ATXN1: variants seen among roughly 807,000 people sequenced by gnomAD.
ATXN1 encodes the protein ataxin-1.
In ATXN1, 8 loss-of-function variants were observed where a neutral mutation model predicts 56.4. That is an observed-to-expected ratio of 0.14 (90% CI 0.08 to 0.26). The LOEUF (loss-of-function observed/expected upper bound fraction) is 0.26. Among genes scored for constraint, ATXN1 ranks in the 10% least tolerant of loss-of-function variants. The probability of loss-of-function intolerance (pLI) is 1.00; values close to 1 mark genes in which losing one functional copy is unlikely to be tolerated. For synonymous variants in ATXN1, 514 were observed against 494.6 expected (o/e 1.04, Z -0.52); for missense variants, 987 against 1,106.5 (o/e 0.89, Z 1.53).
chr6:16,340,555 A>G (rs1358270150), intron 6 of ATXN1, among the ~76,000 whole-genome samples: 1 of 152,188 alleles, frequency 6.6e-6, no homozygotes, highest in Non-Finnish European at 1.5e-5. Context: ...GTATGAGTAG[A>G]ACAGCTTTCA....
At chr6:16,404,267 C>T (rs1758639002) in intron 6 of ATXN1, among the ~76,000 whole-genome samples, 1 of 152,178 alleles carries the variant, frequency 6.6e-6, no homozygotes, top group African/African-American at 2.4e-5. Flanking sequence ...TTGGAGAGTT[C>T]TTTAAAGCAG....
intron 2 of ATXN1, among the ~76,000 whole-genome samples, chr6:16,683,080 C>T (rs1170331695): frequency 2.0e-5 from 3 of 151,712 alleles, no homozygotes; most frequent in Non-Finnish European, 4.4e-5. Context: ...CAAAACACCA[C>T]GAAAAGGCAT....
intron 4 of ATXN1, among the ~76,000 whole-genome samples, chr6:16,572,676 A>C (rs1281207148): frequency 6.6e-6 from 1 of 152,208 alleles, no homozygotes; most frequent in East Asian, 1.9e-4. Flanking sequence ...AGAAAACAAA[A>C]AGAACACAGC....
In ATXN1 at chr6:16,753,325, T is replaced by G; in HGVS notation, c.-707A>C. ...AATCTGCAGCTTGAATGGACCACCC[T>G]GGTGACTTGATGCACGATGCTCCTG... On this transcript the variant is annotated 5_prime_UTR_variant, in exon 2 of 8. Transcript: ENST00000436367. 1 of 456,950 alleles carries G rather than the reference T, an allele frequency of 2.2e-6. No homozygotes were observed. The highest frequency in any genetic ancestry group is 2.3e-5 in the Admixed American group (1 of 42,592). The allele number at this position is 456,950 out of a possible 1,614,324, so 28.3% of individuals were successfully genotyped here.
intron 3 of ATXN1, among the ~76,000 whole-genome samples, chr6:16,618,750 T>TG (rs1410088179): frequency 1.4e-4 from 20 of 142,148 alleles, no homozygotes; most frequent in African/African-American, 3.8e-4. Context: ...GATTCAACTG[T>TG]GGGAAAAAAA....
chr6:16,524,983 C>T (rs950599184), intron 4 of ATXN1, among the ~76,000 whole-genome samples: 3 of 152,136 alleles, frequency 2.0e-5, no homozygotes, highest in Non-Finnish European at 4.4e-5. Flanking sequence ...ACTCGGGAGG[C>T]AGAAGTTGCA....
chr6:16,521,303 C>T (rs1436391970), intron 5 of ATXN1, among the ~76,000 whole-genome samples: 1 of 152,342 alleles, frequency 6.6e-6, no homozygotes, highest in Non-Finnish European at 1.5e-5. Flanking sequence ...GTGGCTCACG[C>T]CTGTAATCCC....
chr6:16,709,034 A>AAAAG (rs1561817463), intron 2 of ATXN1, among the ~76,000 whole-genome samples: 1 of 151,746 alleles, frequency 6.6e-6, no homozygotes, highest in East Asian at 1.9e-4. Flanking sequence ...TCAAAAAAAA[A>AAAAG]AAAAGAAAAG....
chr6:16,422,285 A>G (rs567894819), intron 6 of ATXN1, among the ~76,000 whole-genome samples: 1 of 152,312 alleles, frequency 6.6e-6, no homozygotes, highest in African/African-American at 2.4e-5. Flanking sequence ...AGGTGGGTTC[A>G]CCGTGGCGCA....
intron 5 of ATXN1, among the ~76,000 whole-genome samples, chr6:16,502,736 C>T (rs4716074): frequency 0.28 from 42,064 of 152,002 alleles, 6,208 homozygotes; most frequent in South Asian, 0.41. Context: ...ACAGTCCAAT[C>T]GCACACAAAG....
chr6:16,724,673 A>C (rs1232711611), intron 2 of ATXN1, among the ~76,000 whole-genome samples: 1 of 152,220 alleles, frequency 6.6e-6, no homozygotes, highest in Non-Finnish European at 1.5e-5. Context: ...TTACTTGCTA[A>C]AGAACCTGAG....
At chr6:16,393,148 C>A (rs1049103156) in intron 6 of ATXN1, among the ~76,000 whole-genome samples, 2 of 152,218 alleles carry the variant, frequency 1.3e-5, no homozygotes, top group Non-Finnish European at 2.9e-5. Flanking sequence ...CTCAGACCCA[C>A]TAACAGATCA....
chr6:16,405,939 C>G (rs541270121), intron 6 of ATXN1, among the ~76,000 whole-genome samples: 2 of 152,150 alleles, frequency 1.3e-5, no homozygotes, highest in Non-Finnish European at 2.9e-5. Context: ...GTGGGGTTAA[C>G]TCTGCTCCCT....
At chr6:16,480,154 CAAAAAA>C (rs60209783) in intron 6 of ATXN1, among the ~76,000 whole-genome samples, 30 of 79,124 alleles carry the variant, frequency 3.8e-4, no homozygotes, top group South Asian at 1.5e-3. Context: ...ACTTCATCTG[CAAAAAA>C]AAAAAAAAAA....
chr6:16,455,218 T>C (rs73724873), intron 6 of ATXN1, among the ~76,000 whole-genome samples: 92 of 152,236 alleles, frequency 6.0e-4, no homozygotes, highest in African/African-American at 2.0e-3. Context: ...TGTAGAAAAC[T>C]TCACTATTAG....
At chr6:16,428,460 T>TA (rs1759205895) in intron 6 of ATXN1, among the ~76,000 whole-genome samples, 1 of 150,938 alleles carries the variant, frequency 6.6e-6, no homozygotes, top group East Asian at 2.0e-4. Flanking sequence ...GGTGCAAAAG[T>TA]AATTGTGGTT....
intron 4 of ATXN1, among the ~76,000 whole-genome samples, chr6:16,574,261 A>G (rs1762382271): frequency 6.6e-6 from 1 of 152,224 alleles, no homozygotes; most frequent in African/African-American, 2.4e-5. Context: ...GCTGGCATGC[A>G]GTGGCGCGAT....
At chr6:16,466,519 CG>C (rs1377055323) in intron 6 of ATXN1, among the ~76,000 whole-genome samples, 2 of 151,888 alleles carry the variant, frequency 1.3e-5, no homozygotes, top group East Asian at 3.9e-4. Flanking sequence ...CTGGTGAAAT[CG>C]AAGAACTTTC....
chr6:16,444,027 A>T (rs1159360559), intron 6 of ATXN1, among the ~76,000 whole-genome samples: 1 of 151,878 alleles, frequency 6.6e-6, no homozygotes, highest in African/African-American at 2.4e-5. Flanking sequence ...GAGGCAGGAG[A>T]ATGGCGTGAA....
Sources: gnomAD v4.1 joint callset for allele counts (sites outside exome capture counted in the v4.1 genomes callset) on GRCh38, gnomAD v4.1.1 for gene constraint, MANE v1.5 for transcripts, NCBI Gene and HGNC (gene_info 2026-07-23, HGNC 2026-07-21) for gene names.